Variants in SCARA5 observed in about 807,000 individuals in gnomAD.
SCARA5 encodes the protein scavenger receptor class A member 5.
In SCARA5, 45 loss-of-function variants were observed where a neutral mutation model predicts 46.3. That is an observed-to-expected ratio of 0.97 (90% CI 0.76 to 1.24). SCARA5 has a LOEUF of 1.24. SCARA5 is among the 50% of genes most tolerant of loss of function. SCARA5 has a pLI of 0.00. For missense variants in SCARA5, 680 were observed against 689.0 expected (o/e 0.99, Z 0.15); for synonymous variants, 333 against 306.5 (o/e 1.09, Z -0.90).
chr8:27,937,488 C>T lies in SCARA5; in HGVS notation c.242-15243G>A, dbSNP rs144664686. On this transcript the variant is annotated intron_variant, in intron 3 of 8. Coordinates refer to ENST00000354914, the MANE Select transcript of SCARA5 (RefSeq NM_173833.6). ...GTGGGGACCAACTCCAGGACACATGCTGGCATTTGCTTTTCCTCCTTCCTG... is the reference window on the plus strand; with the variant it reads ...GTGGGGACCAACTCCAGGACACATGTTGGCATTTGCTTTTCCTCCTTCCTG... 2.4e-4 allele frequency among the ~76,000 whole-genome samples: 36 copies of T among 152,314 alleles called. 1 individual carries two copies. The East Asian group carries it at 6.9e-3, about 29-fold the overall frequency.
intron 3 of SCARA5, among the ~76,000 whole-genome samples, chr8:27,945,182 A>G (rs980862576): frequency 5.5e-4 from 79 of 144,796 alleles, no homozygotes; most frequent in Admixed American, 1.7e-3. Flanking sequence ...TAATAAATTG[A>G]AAAAAAAAAA....
intron 3 of SCARA5, among the ~76,000 whole-genome samples, chr8:27,932,141 A>G (rs568070344): frequency 3.6e-4 from 54 of 152,030 alleles, no homozygotes; most frequent in Non-Finnish European, 7.6e-4. Context: ...CACCACACCC[A>G]GCTAAATTTT....
chr8:27,914,729 G>C (rs1215418840), intron 4 of SCARA5, among the ~76,000 whole-genome samples: 1 of 152,160 alleles, frequency 6.6e-6, no homozygotes, highest in Non-Finnish European at 1.5e-5. Context: ...CTGGGACAAG[G>C]AGGAGCAGGG....
rs71519657 is a variant in SCARA5, at chr8:27,871,200, G to A, written c.*734C>T. The A allele has an allele frequency of 0.18, 28,278 of 153,176 alleles. 3,115 individuals are homozygous for A. Among genetic ancestry groups the A allele is most frequent in the Middle Eastern group, 0.3 (88 of 296 alleles). The allele number at this position is 153,176 out of a possible 1,614,324, so 9.5% of individuals were successfully genotyped here. ...GAATGGACCAGTTAAGTGCTACCTG[G>A]AGGTAAGGCTGTATCCAGACTGACA... On this transcript the variant is annotated 3_prime_UTR_variant, in exon 9 of 9. Transcript: ENST00000354914.
intron 3 of SCARA5, among the ~76,000 whole-genome samples, chr8:27,944,624 G>T (rs549602824): frequency 6.6e-5 from 10 of 152,070 alleles, no homozygotes; most frequent in African/African-American, 2.4e-4. Context: ...CACTTTGGGA[G>T]GCCAAGGTGG....
intron 7 of SCARA5, among the ~76,000 whole-genome samples, chr8:27,892,122 GGA>G (rs771465238): frequency 2.0e-5 from 3 of 152,220 alleles, no homozygotes; most frequent in East Asian, 1.9e-4. Flanking sequence ...TGGGGAATAC[GGA>G]GAGAGCTGAG....
At chr8:27,970,897 A>C (rs948864516) in intron 2 of SCARA5, among the ~76,000 whole-genome samples, 10 of 152,190 alleles carry the variant, frequency 6.6e-5, no homozygotes, top group African/African-American at 2.4e-4. Context: ...TTAAAAAAAA[A>C]CCCACTACTT....
intron 3 of SCARA5, among the ~76,000 whole-genome samples, chr8:27,957,302 C>T (rs549747686): frequency 1.3e-5 from 2 of 152,234 alleles, no homozygotes; most frequent in East Asian, 1.9e-4. Flanking sequence ...AATTACTGTG[C>T]AGTCTGTGGC....
intron 4 of SCARA5, among the ~76,000 whole-genome samples, chr8:27,919,166 G>A (rs971415456): frequency 1.4e-5 from 2 of 145,634 alleles, no homozygotes; most frequent in Non-Finnish European, 3.0e-5. Flanking sequence ...GAGGAAGAAG[G>A]GGATGGGAAG....
intron 8 of SCARA5, 59 bp from the exon 9 acceptor site, chr8:27,872,129 A>T: frequency 6.3e-7 from 1 of 1,588,748 alleles, no homozygotes; most frequent in Non-Finnish European, 8.6e-7. Context: ...GAAGGAGAAG[A>T]GAGAGCATAA....
At chr8:27,872,384 C>T (rs146591585) in intron 8 of SCARA5, among the ~76,000 whole-genome samples, 58 of 152,344 alleles carry the variant, frequency 3.8e-4, no homozygotes, top group African/African-American at 1.3e-3. Context: ...CTCTGTCATT[C>T]ACTCTTGAAG....
At chr8:27,933,596 A>G (rs1204272616) in intron 3 of SCARA5, among the ~76,000 whole-genome samples, 1 of 151,798 alleles carries the variant, frequency 6.6e-6, no homozygotes, top group Non-Finnish European at 1.5e-5. Context: ...GGCCCATTTT[A>G]AAATCTATAA....
chr8:27,946,894 C>A (rs1585506577), intron 3 of SCARA5, among the ~76,000 whole-genome samples: 1 of 152,152 alleles, frequency 6.6e-6, no homozygotes, highest in African/African-American at 2.4e-5. Context: ...GAACTGAGAT[C>A]CTGCAGAATG....
At chr8:27,912,457 A>G (rs527365640) in intron 4 of SCARA5, among the ~76,000 whole-genome samples, 1 of 152,366 alleles carries the variant, frequency 6.6e-6, no homozygotes, top group South Asian at 2.1e-4. Flanking sequence ...TTGTGATCCC[A>G]GTTTTCAGAC....
chr8:27,890,429 C>T (rs1021289339), intron 7 of SCARA5, among the ~76,000 whole-genome samples: 3 of 152,244 alleles, frequency 2.0e-5, no homozygotes, highest in Non-Finnish European at 4.4e-5. Context: ...ACTATTTTCC[C>T]TTGGAAATAG....
At chr8:27,901,723 G>A (rs985541703) in intron 7 of SCARA5, among the ~76,000 whole-genome samples, 5 of 152,170 alleles carry the variant, frequency 3.3e-5, no homozygotes, top group Admixed American at 6.5e-5. Flanking sequence ...CCTGAATCGT[G>A]ACAACTATTC....
chr8:27,967,901 A>T (rs1183840223), intron 2 of SCARA5, among the ~76,000 whole-genome samples: 1 of 152,154 alleles, frequency 6.6e-6, no homozygotes, highest in Non-Finnish European at 1.5e-5. Flanking sequence ...TGTCACAGTA[A>T]GACTGTCAAA....
intron 3 of SCARA5, among the ~76,000 whole-genome samples, chr8:27,954,429 T>C (rs2081084050): frequency 6.6e-6 from 1 of 152,236 alleles, no homozygotes; most frequent in South Asian, 2.1e-4. Context: ...TTGCCCTTTG[T>C]AATATATGTT....
chr8:27,975,127 G>A (rs1808504090), intron 2 of SCARA5, among the ~76,000 whole-genome samples: 1 of 152,108 alleles, frequency 6.6e-6, no homozygotes, highest in South Asian at 2.1e-4. Context: ...AGGTTGAGTT[G>A]ATCATCAATA....
Sources: allele counts gnomAD v4.1 joint callset (sites outside exome capture counted in the v4.1 genomes callset), GRCh38; gene constraint gnomAD v4.1.1; transcripts MANE v1.5; gene names NCBI Gene and HGNC (gene_info 2026-07-23, HGNC 2026-07-21).